The following EPRS1 variants were observed in gnomAD, a reference collection of about 807,000 sequenced individuals.
EPRS1 encodes bifunctional glutamate/proline--tRNA ligase.
EPRS1 carries 107 observed loss-of-function variants against 188.3 expected under a neutral mutation model. The observed-to-expected ratio is 0.57, with a 90% CI of 0.49 to 0.67. EPRS1 has a LOEUF of 0.67. EPRS1 is among the 30% of genes least tolerant of loss of function. The pLI, the probability that EPRS1 is intolerant of heterozygous loss-of-function variation, is 0.00. For missense variants in EPRS1, 1,577 were observed against 1,802.2 expected (o/e 0.88, Z 2.26); for synonymous variants, 596 against 593.1 (o/e 1.00, Z -0.07).
chr1:220,019,934 C>G, intron 10 of EPRS1, 54 bp downstream of exon 10: 1 of 1,262,210 alleles, frequency 7.9e-7, no homozygotes. Flanking sequence ...GTTTAAAAAT[C>G]ACTGATCTAC....
At position 219,973,432 on chromosome 1, in the gene EPRS1, T is replaced by C. The variant is rs778024659; in HGVS notation, c.4084-34A>G. ...TAAAAAAGGCAGTTAAAATGATATA[T>C]GAATGTCTCCAGTTGAATATACAGA... On this transcript the variant is annotated intron_variant, in intron 28 of 31. Coordinates refer to ENST00000366923, the MANE Select transcript of EPRS1 (RefSeq NM_004446.3). 1.5e-5 allele frequency: 23 copies of C among 1,506,342 alleles called. No individual in the cohort carries two copies. In the Admixed American group the frequency reaches 3.7e-4, roughly 24 times the overall value. 93.3% of individuals were successfully genotyped at this position (1,506,342 alleles called of 1,614,324 possible).
At chr1:220,001,861 G>C (rs368613217) in intron 16 of EPRS1, among the ~76,000 whole-genome samples, 136 of 150,974 alleles carry the variant, frequency 9.0e-4, no homozygotes, top group African/African-American at 3.2e-3. Context: ...AAACCCCATC[G>C]CTACTAAAAT....
chr1:220,027,084 G>A (rs6681055), intron 6 of EPRS1, among the ~76,000 whole-genome samples: 117,483 of 148,582 alleles, frequency 0.79, 46,326 homozygotes, highest in East Asian at 0.92. Flanking sequence ...GAGGTCAGGA[G>A]TTCAACACCA....
At chr1:219,993,061 C>T (rs993463863) in intron 18 of EPRS1, among the ~76,000 whole-genome samples, 12 of 152,068 alleles carry the variant, frequency 7.9e-5, no homozygotes, top group Admixed American at 6.6e-4. Context: ...ACAGTGAAAC[C>T]CCGTCTCTAT....
At chr1:219,997,820 T>C (rs759739315) in intron 17 of EPRS1, among the ~76,000 whole-genome samples, 12 of 152,190 alleles carry the variant, frequency 7.9e-5, no homozygotes, top group Non-Finnish European at 1.5e-4. Context: ...TGAATATCAA[T>C]AAGCATTAGG....
rs1250676240 is a variant in EPRS1, at chr1:220,002,247, G to A, written c.2064-992C>T. 8.6e-5 allele frequency among the ~76,000 whole-genome samples: 13 copies of A among 151,238 alleles called. No individual in the cohort carries two copies. In the East Asian group the frequency reaches 1.6e-3, roughly 18 times the overall value. On this transcript the variant is annotated intron_variant, in intron 16 of 31. Transcript: ENST00000366923. ...CTTTGGAGGCTGGGGCAGGAGAATC[G>A]CTTGAACCCAGGAGATGGAGATTGC...
Position 219,982,359 on chromosome 1 carries a change from C to T in EPRS1, c.3373+413G>A, listed in dbSNP as rs183993909. Reference sequence around the variant, plus strand: ...CTGTTGTAAGAATAACACGAGATGACGTAAAAGTACTTAGCAACCTATGAA... The same window carrying T: ...CTGTTGTAAGAATAACACGAGATGATGTAAAAGTACTTAGCAACCTATGAA... On this transcript the variant is annotated intron_variant, in intron 23 of 31. Coordinates refer to ENST00000366923, the MANE Select transcript of EPRS1 (RefSeq NM_004446.3). Among the ~76,000 whole-genome samples, 129 of 152,152 alleles carry T rather than the reference C, an allele frequency of 8.5e-4. 1 individual carries two copies. The highest frequency in any genetic ancestry group is 2.9e-3 in the African/African-American group (121 of 41,522).
intron 30 of EPRS1, 200 bp from the exon 31 acceptor site, chr1:219,969,322 C>A: frequency 3.5e-6 from 2 of 572,880 alleles, no homozygotes; most frequent in Non-Finnish European, 6.2e-6. Flanking sequence ...TTCCACTATC[C>A]AAAACCTACG....
chr1:220,028,642 G>A (rs1006912183), intron 6 of EPRS1, among the ~76,000 whole-genome samples: 3 of 152,126 alleles, frequency 2.0e-5, no homozygotes, highest in Non-Finnish European at 4.4e-5. Context: ...ATCTGTTTCC[G>A]AAACCATTTG....
chr1:220,028,026 T>C (rs1033304408), intron 6 of EPRS1, among the ~76,000 whole-genome samples: 21 of 152,074 alleles, frequency 1.4e-4, no homozygotes, highest in Non-Finnish European at 2.6e-4. Flanking sequence ...ATGTTAATGT[T>C]AGGAAAAACT....
At position 220,015,781 on chromosome 1, in the gene EPRS1, C is replaced by A. The variant is rs147067002; in HGVS notation, c.1494+2668G>T. Among the ~76,000 whole-genome samples the A allele has an allele frequency of 2.3e-3, 299 of 128,588 alleles. 1 individual carries two copies. Among genetic ancestry groups the A allele is most frequent in the Non-Finnish European group, 4.2e-3 (240 of 57,418 alleles). The allele number at this position is 128,588 out of a possible 152,430, so 84.4% of individuals were successfully genotyped here. ...GAATGACGTATTACCTTCAGGAAAG[C>A]AAGAAGGTAATATAAAAAAAAAAAA... On this transcript the variant is annotated intron_variant, in intron 12 of 31. Transcript: ENST00000366923.
intron 18 of EPRS1, among the ~76,000 whole-genome samples, chr1:219,994,568 A>G (rs938783579): frequency 6.6e-6 from 1 of 151,994 alleles, no homozygotes; most frequent in Non-Finnish European, 1.5e-5. Flanking sequence ...GACAACAACA[A>G]CAATAAAAAA....
At chr1:219,977,254 C>G (rs992426909) in intron 28 of EPRS1, among the ~76,000 whole-genome samples, 6 of 152,064 alleles carry the variant, frequency 3.9e-5, no homozygotes, top group African/African-American at 1.4e-4. Flanking sequence ...TAACTTGAGG[C>G]GTCAAGTTTA....
At chr1:220,033,423 A>T (rs1033264847) in intron 4 of EPRS1, 79 bp downstream of exon 4, 5 of 1,061,120 alleles carry the variant, frequency 4.7e-6, no homozygotes, top group Non-Finnish European at 7.0e-6. Flanking sequence ...ATACATGCAT[A>T]CACACAGAAA....
At position 219,981,363 on chromosome 1, in the gene EPRS1, G is replaced by T. The variant is rs779540112; in HGVS notation, c.3453+15C>A. 3.9e-6 allele frequency: 6 copies of T among 1,545,978 alleles called. No individual in the cohort carries two copies. Among genetic ancestry groups the T allele is most frequent in the South Asian group, 3.6e-5 (3 of 82,758 alleles). On this transcript the variant is annotated intron_variant, in intron 24 of 31. Coordinates refer to ENST00000366923, the MANE Select transcript of EPRS1 (RefSeq NM_004446.3). ...CATGAATAATAATAGAATACAAGAG[G>T]GGGTGAATACCTACCACCACATTGC...
chr1:219,974,696 A>C (rs1369053757), intron 28 of EPRS1, among the ~76,000 whole-genome samples: 1 of 152,194 alleles, frequency 6.6e-6, no homozygotes, highest in African/African-American at 2.4e-5. Flanking sequence ...CCACAATGGA[A>C]CCAACTGTTG....
chr1:220,013,480 T>C (rs1661645910), intron 12 of EPRS1, among the ~76,000 whole-genome samples: 1 of 151,912 alleles, frequency 6.6e-6, no homozygotes, highest in Non-Finnish European at 1.5e-5. Flanking sequence ...ATCATGCAAA[T>C]AAATCTAGCT....
chr1:219,979,453 C>T lies in EPRS1; in HGVS notation c.3874G>A (p.Gly1292Ser), dbSNP rs1660850104. Residue 1292 changes from glycine to serine, a missense_variant, in exon 27 of 32, where the codon GGT (glycine) becomes AGT (serine). By Grantham distance (56) the Gly-to-Ser change is moderately conservative. Around this residue, in one of 3 missense-constraint regions of EPRS1, gnomAD observed 296 missense variants for 327.9 expected, o/e 0.90. Coordinates refer to ENST00000366923, the MANE Select transcript of EPRS1 (RefSeq NM_004446.3). ...GCTACACGGGGTGGTAATACTAAAC[C>T]CATGTTGTCCCCATGAACCATGGTC... ...VMTMVHGDNM[G>S]LVLPPRVACV... is the part of the protein sequence containing the mutation. 1 of 1,613,854 alleles carries T rather than the reference C, an allele frequency of 6.2e-7. No homozygotes were observed. The highest frequency in any genetic ancestry group is 8.5e-7 in the Non-Finnish European group (1 of 1,179,954).
At chr1:219,982,656 A>C in intron 23 of EPRS1, 116 bp downstream of exon 23, 1 of 749,508 alleles carries the variant, frequency 1.3e-6, no homozygotes, top group Non-Finnish European at 2.3e-6. Context: ...CATTCATGAA[A>C]TGTTATATCG....
Sources: gnomAD v4.1 joint callset for allele counts (sites outside exome capture counted in the v4.1 genomes callset) on GRCh38, gnomAD v4.1.1 for gene constraint, gnomAD v4.1.1 regional missense constraint, MANE v1.5 for transcripts, NCBI Gene and HGNC (gene_info 2026-07-23, HGNC 2026-07-21) for gene names.